Variants in COL5A1 observed in about 807,000 individuals in gnomAD.
COL5A1 encodes the protein collagen alpha-1(V) chain.
A neutral mutation model predicts 263.7 loss-of-function variants in COL5A1; 16 were observed. The ratio of observed to expected loss-of-function variants is 0.06; its 90% CI spans 0.04 to 0.09. The LOEUF is 0.09. Ranked by LOEUF, COL5A1 falls within the 10% of genes least tolerant of loss-of-function variation. The pLI, the probability that COL5A1 is intolerant of heterozygous loss-of-function variation, is 1.00. For synonymous variants in COL5A1, 1,012 were observed against 1,004.5 expected (o/e 1.01, Z -0.14); for missense variants, 2,036 against 2,540.5 (o/e 0.80, Z 4.27).
intron 48 of COL5A1, among the ~76,000 whole-genome samples, chr9:134,813,434 C>T (rs1319357027): frequency 6.6e-6 from 1 of 152,232 alleles, no homozygotes; most frequent in Non-Finnish European, 1.5e-5. Context: ...CACCGCTGCT[C>T]ATTTTTTATG....
chr9:134,816,957 A>C (rs3811149), intron 52 of COL5A1, 69 bp from the exon 53 acceptor site: 1 of 1,381,178 alleles, frequency 7.2e-7, no homozygotes, highest in Non-Finnish European at 1.0e-6. Flanking sequence ...TGAAATCGCC[A>C]TGTGTTTTGC....
At chr9:134,745,403 C>T (rs557853060) in intron 11 of COL5A1, among the ~76,000 whole-genome samples, 36 of 152,276 alleles carry the variant, frequency 2.4e-4, no homozygotes, top group African/African-American at 7.9e-4. Context: ...GTGTTCATCA[C>T]GGTCAGTTAG....
chr9:134,731,702 G>A (rs369179681), intron 8 of COL5A1, 39 bp downstream of exon 8: 342 of 1,582,212 alleles, frequency 2.2e-4, no homozygotes, highest in Non-Finnish European at 2.9e-4. Flanking sequence ...TGGGGTTGGG[G>A]GGCTGGTGGG....
At chr9:134,774,155 C>T (rs1356013608) in intron 26 of COL5A1, among the ~76,000 whole-genome samples, 1 of 152,244 alleles carries the variant, frequency 6.6e-6, no homozygotes, top group Non-Finnish European at 1.5e-5. Context: ...TTCCTGAGTT[C>T]CTCTATGTGC....
At chr9:134,667,623 C>T (rs776212109) in intron 1 of COL5A1, among the ~76,000 whole-genome samples, 2 of 152,348 alleles carry the variant, frequency 1.3e-5, no homozygotes, top group South Asian at 4.1e-4. Context: ...TTATCTCTTT[C>T]CACATCACAG....
chr9:134,788,039 A>G (rs7874308), intron 31 of COL5A1, among the ~76,000 whole-genome samples: 35,676 of 151,818 alleles, frequency 0.23, 6,656 homozygotes, highest in African/African-American at 0.52. Flanking sequence ...ATGGGTAGGT[A>G]TGTGGGTGTG....
chr9:134,705,199 C>A (rs532725973), intron 4 of COL5A1, among the ~76,000 whole-genome samples: 1 of 152,354 alleles, frequency 6.6e-6, no homozygotes, highest in South Asian at 2.1e-4. Flanking sequence ...CCCCTTTGTC[C>A]AAAGTGATGC....
intron 11 of COL5A1, among the ~76,000 whole-genome samples, chr9:134,744,455 ACACT>A (rs372496402): frequency 3.3e-5 from 5 of 151,882 alleles, no homozygotes; most frequent in African/African-American, 7.3e-5. Flanking sequence ...GTACACGCAC[ACACT>A]CACCTATACA....
chr9:134,785,552 C>A (rs1398818918), intron 30 of COL5A1, among the ~76,000 whole-genome samples: 1 of 152,132 alleles, frequency 6.6e-6, no homozygotes, highest in African/African-American at 2.4e-5. Context: ...GTGGGAGGCT[C>A]CTGGGCCAGC....
chr9:134,645,768 T>G (rs957628137), intron 1 of COL5A1, among the ~76,000 whole-genome samples: 1 of 152,180 alleles, frequency 6.6e-6, no homozygotes, highest in African/African-American at 2.4e-5. Flanking sequence ...ACTCTTTGAC[T>G]TGTCACAGTT....
chr9:134,824,454 C>A (rs1390651700), intron 61 of COL5A1, 146 bp from the exon 62 acceptor site: 2 of 997,232 alleles, frequency 2.0e-6, no homozygotes, highest in Admixed American at 2.2e-5. Flanking sequence ...GGAAACAGTT[C>A]TAAGGCGGAC....
intron 11 of COL5A1, among the ~76,000 whole-genome samples, chr9:134,750,316 T>C (rs1835727403): frequency 6.6e-6 from 1 of 152,184 alleles, no homozygotes; most frequent in South Asian, 2.1e-4. Flanking sequence ...CCTCCCTCCC[T>C]TCTTATCCCT....
intron 65 of COL5A1, among the ~76,000 whole-genome samples, chr9:134,835,724 G>A (rs1839829546): frequency 6.6e-6 from 1 of 152,228 alleles, no homozygotes; most frequent in Admixed American, 6.5e-5. Context: ...GGAGGCCGGA[G>A]CGGCGGGAGG....
rs144367107 is a variant in COL5A1, at chr9:134,821,844, T to C, written c.4555-253T>C. ...TCCTCGGTGGCCTGGGGGATGAGAG[T>C]GAGTTCCTGGCAGCCCAGCCGGGGG... On this transcript the variant is annotated intron_variant, in intron 58 of 65. Transcript: ENST00000371817. The surrounding 1 kb of genome is among the most constrained non-coding windows in gnomAD (Gnocchi z 4.2). Among the ~76,000 whole-genome samples the C allele has an allele frequency of 8.6e-4, 131 of 151,552 alleles. No individual in the cohort carries two copies. The highest frequency in any genetic ancestry group is 3.1e-3 in the African/African-American group (129 of 41,306).
In COL5A1 at chr9:134,697,607, A is replaced by G. The variant is rs140589600; in HGVS notation, c.278-2302A>G. Among the ~76,000 whole-genome samples, 614 of 152,126 alleles carry G rather than the reference A, an allele frequency of 4.0e-3. 1 individual carries two copies. Among genetic ancestry groups the G allele is most frequent in the Middle Eastern group, 6.8e-3 (2 of 294 alleles). The stretch of plus-strand genomic sequence containing the variant: ...TGCCCTGGGTGTGGACGGGGACCTG[A>G]GTGCTTCAGGTGAGACCCCACCTGG... On this transcript the variant is annotated intron_variant, in intron 2 of 65. Coordinates refer to ENST00000371817, the MANE Select transcript of COL5A1 (RefSeq NM_000093.5).
intron 1 of COL5A1, among the ~76,000 whole-genome samples, chr9:134,651,071 G>A (rs563404955): frequency 3.9e-5 from 6 of 152,316 alleles, no homozygotes; most frequent in East Asian, 1.9e-4. Flanking sequence ...GTTTGCTGGC[G>A]CCAGCCTCCA....
At chr9:134,704,103 G>A (rs190976318) in intron 4 of COL5A1, among the ~76,000 whole-genome samples, 5 of 152,210 alleles carry the variant, frequency 3.3e-5, no homozygotes, top group Admixed American at 3.3e-4. Flanking sequence ...AACTGAGCAG[G>A]AAAAGCTGTT....
At chr9:134,767,654 G>C (rs1306179952) in intron 24 of COL5A1, among the ~76,000 whole-genome samples, 5 of 152,338 alleles carry the variant, frequency 3.3e-5, no homozygotes, top group African/African-American at 9.6e-5. Context: ...TTGTGTATCT[G>C]AAATTCAAAT....
At chr9:134,731,767 G>C in intron 8 of COL5A1, 104 bp downstream of exon 8, 1 of 1,289,932 alleles carries the variant, frequency 7.8e-7, no homozygotes, top group Non-Finnish European at 1.1e-6. Context: ...TCTACGGGCA[G>C]CTCAAGTGTT....
Sources: gnomAD v4.1 joint callset for allele counts (sites outside exome capture counted in the v4.1 genomes callset) on GRCh38, gnomAD v4.1.1 for gene constraint, Gnocchi (gnomAD v3.1) non-coding constraint, MANE v1.5 for transcripts, NCBI Gene and HGNC (gene_info 2026-07-23, HGNC 2026-07-21) for gene names.